AGBL4: variants seen among roughly 807,000 people sequenced by gnomAD.
AGBL4 encodes AGBL carboxypeptidase 4.
In AGBL4, 58 loss-of-function variants were observed where a neutral mutation model predicts 66.4. That is an observed-to-expected ratio of 0.87 (90% confidence interval 0.71 to 1.09). The LOEUF is 1.09. Among genes scored for constraint, AGBL4 ranks in the 50% least tolerant of loss-of-function variants. AGBL4 has a pLI of 0.00. For synonymous variants in AGBL4, 234 were observed against 222.9 expected (o/e 1.05, Z -0.44); for missense variants, 579 against 631.0 (o/e 0.92, Z 0.88).
rs371733696 is a variant in AGBL4 at position 49,121,710 on chromosome 1, G to A, written c.378-75910C>T. ...GTCTGTCCATTCTCAGAGCCCAAACGCCATGCTGGGAGAACCACTGCTCTC... is the reference window on the plus strand; with the variant it reads ...GTCTGTCCATTCTCAGAGCCCAAACACCATGCTGGGAGAACCACTGCTCTC... On this transcript the variant is annotated intron_variant, in intron 4 of 13. Coordinates refer to ENST00000371839, the MANE Select transcript of AGBL4 (RefSeq NM_032785.4). 7.2e-4 allele frequency among the ~76,000 whole-genome samples: 110 copies of A among 152,326 alleles called. 1 individual carries two copies. The highest frequency in any genetic ancestry group is 1.1e-3 in the Admixed American group (17 of 15,308).
chr1:49,490,848 A>G (rs896464545), intron 3 of AGBL4, among the ~76,000 whole-genome samples: 2 of 151,662 alleles, frequency 1.3e-5, no homozygotes, highest in Admixed American at 1.3e-4. Flanking sequence ...CACAATAAAA[A>G]CAAAAACTCA....
At chr1:49,767,965 C>A in intron 2 of AGBL4, among the ~76,000 whole-genome samples, 1 of 150,610 alleles carries the variant, frequency 6.6e-6, no homozygotes, top group Middle Eastern at 3.4e-3. Context: ...CATGTGTACC[C>A]TAGAACTTAA....
At chr1:48,606,553 T>C (rs1557824158) in intron 9 of AGBL4, among the ~76,000 whole-genome samples, 2 of 152,226 alleles carry the variant, frequency 1.3e-5, no homozygotes, top group African/African-American at 4.8e-5. Context: ...AATCACCTTC[T>C]TGCCTCTGTT....
chr1:49,559,638 C>T (rs1282139510), intron 3 of AGBL4, among the ~76,000 whole-genome samples: 1 of 152,268 alleles, frequency 6.6e-6, no homozygotes, highest in East Asian at 1.9e-4. Context: ...TTTGATCCTT[C>T]TACTGTTCTG....
chr1:49,936,037 C>T (rs1341435079), intron 1 of AGBL4, among the ~76,000 whole-genome samples: 1 of 152,120 alleles, frequency 6.6e-6, no homozygotes, highest in African/African-American at 2.4e-5. Context: ...TCAAACTACT[C>T]CAAGCTACAG....
At chr1:49,458,131 T>G (rs1646431506) in intron 3 of AGBL4, among the ~76,000 whole-genome samples, 1 of 151,750 alleles carries the variant, frequency 6.6e-6, no homozygotes, top group Non-Finnish European at 1.5e-5. Flanking sequence ...GAATTGTAGA[T>G]TGCTTTTGGC....
intron 5 of AGBL4, among the ~76,000 whole-genome samples, chr1:48,887,549 C>A (rs1435814164): frequency 6.6e-6 from 1 of 152,010 alleles, no homozygotes; most frequent in African/African-American, 2.4e-5. Flanking sequence ...ATTATAAACC[C>A]CCTTTTATAG....
At chr1:49,954,546 A>G (rs1426774532) in intron 1 of AGBL4, among the ~76,000 whole-genome samples, 1 of 152,024 alleles carries the variant, frequency 6.6e-6, no homozygotes, top group Non-Finnish European at 1.5e-5. Context: ...TGTACTTCCC[A>G]GCATCCAGAA....
chr1:48,761,186 T>C, intron 6 of AGBL4: 1 of 842,218 alleles, frequency 1.2e-6, no homozygotes, highest in Non-Finnish European at 1.8e-6. Flanking sequence ...TACACACGAG[T>C]TGTCCCACGC....
At chr1:48,531,207 TTCTCTCTCTC>T, downstream of AGBL4, among the ~76,000 whole-genome samples, 1 of 150,132 alleles carries the variant, frequency 6.7e-6, no homozygotes. Context: ...GCTTTTTTTT[TTCTCTCTCTC>T]TCTCTCTCAA....
At chr1:48,763,687 GATC>G (rs2148668602) in intron 6 of AGBL4, among the ~76,000 whole-genome samples, 1 of 152,290 alleles carries the variant, frequency 6.6e-6, no homozygotes, top group East Asian at 1.9e-4. Flanking sequence ...TGTAGCTCAG[GATC>G]ATGTTAGTGT....
At chr1:49,798,209 G>A (rs1364705744) in intron 2 of AGBL4, among the ~76,000 whole-genome samples, 3 of 152,162 alleles carry the variant, frequency 2.0e-5, no homozygotes, top group Admixed American at 6.5e-5. Context: ...TTATACTTAT[G>A]CTATGAAGTG....
chr1:49,894,849 A>T (rs1571822109), intron 1 of AGBL4, among the ~76,000 whole-genome samples: 1 of 152,170 alleles, frequency 6.6e-6, no homozygotes, highest in South Asian at 2.1e-4. Context: ...ATGGGTAAAA[A>T]TTTTTTCAAA....
At chr1:49,117,426 C>A (rs1034216556) in intron 4 of AGBL4, among the ~76,000 whole-genome samples, 5 of 152,140 alleles carry the variant, frequency 3.3e-5, no homozygotes, top group African/African-American at 1.2e-4. Flanking sequence ...CCAGTTTCAG[C>A]TTTCTACATA....
chr1:49,422,332 T>C (rs994664628), intron 3 of AGBL4, among the ~76,000 whole-genome samples: 3 of 152,196 alleles, frequency 2.0e-5, no homozygotes, highest in Admixed American at 1.3e-4. Context: ...TCCTTAAAAT[T>C]TGTGGTTTCT....
intron 3 of AGBL4, among the ~76,000 whole-genome samples, chr1:49,280,363 C>T (rs990620525): frequency 6.6e-6 from 1 of 152,164 alleles, no homozygotes; most frequent in Admixed American, 6.5e-5. Context: ...TACTGCAATG[C>T]CATGGTCTCT....
In AGBL4 at chr1:49,722,802, G is replaced by C. The variant is rs185287624; in HGVS notation, c.158-25365C>G. ...AAGATTTTTACATTAACTTCTCTCCGTTTCCAATGAATCTTCTCTCACTCA... is the reference window on the plus strand; with the variant it reads ...AAGATTTTTACATTAACTTCTCTCCCTTTCCAATGAATCTTCTCTCACTCA... On this transcript the variant is annotated intron_variant, in intron 2 of 13. Coordinates refer to ENST00000371839, the MANE Select transcript of AGBL4 (RefSeq NM_032785.4). Among the ~76,000 whole-genome samples, 52 of 152,030 alleles carry C rather than the reference G, an allele frequency of 3.4e-4. 1 individual carries two copies. The South Asian group carries it at 9.6e-3, about 28-fold the overall frequency.
At chr1:48,869,658 T>C (rs6667780) in intron 5 of AGBL4, among the ~76,000 whole-genome samples, 60,747 of 151,936 alleles carry the variant, frequency 0.4, 13,140 homozygotes, top group East Asian at 0.71. Context: ...AATGAGCAAG[T>C]GAGACTGAAA....
At chr1:49,455,485 C>A (rs891265948) in intron 3 of AGBL4, among the ~76,000 whole-genome samples, 4 of 151,688 alleles carry the variant, frequency 2.6e-5, no homozygotes, top group African/African-American at 9.6e-5. Flanking sequence ...TCTCTAGATT[C>A]TCTTAAATTC....
Sources: gnomAD v4.1 joint callset for allele counts (sites outside exome capture counted in the v4.1 genomes callset) on GRCh38, gnomAD v4.1.1 for gene constraint, MANE v1.5 for transcripts, NCBI Gene and HGNC (gene_info 2026-07-23, HGNC 2026-07-21) for gene names.